FGF14: variants seen among roughly 807,000 people sequenced by gnomAD.
FGF14 encodes fibroblast growth factor 14.
FGF14 carries 5 observed loss-of-function variants against 25.5 expected under a neutral mutation model. The observed-to-expected ratio is 0.20, with a 90% CI of 0.10 to 0.41. The LOEUF is 0.41. Among genes scored for constraint, FGF14 ranks in the 10% least tolerant of loss-of-function variants. FGF14 has a pLI of 1.00. For missense variants in FGF14, 222 were observed against 320.1 expected (o/e 0.69, Z 2.34); for synonymous variants, 138 against 118.3 (o/e 1.17, Z -1.08).
At chr13:101,867,647 G>A (rs1280028127) in intron 3 of FGF14, among the ~76,000 whole-genome samples, 1 of 152,072 alleles carries the variant, frequency 6.6e-6, no homozygotes, top group Non-Finnish European at 1.5e-5. Flanking sequence ...GCTTGATCCT[G>A]CTGGCAACAT....
intron 1 of FGF14, among the ~76,000 whole-genome samples, chr13:101,951,964 A>G (rs2139395769): frequency 6.6e-6 from 1 of 152,240 alleles, no homozygotes; most frequent in Admixed American, 6.5e-5. Flanking sequence ...TGTTTACAGA[A>G]TTTTCCAATC....
intron 1 of FGF14, among the ~76,000 whole-genome samples, chr13:102,045,697 A>T (rs748251643): frequency 3.9e-5 from 6 of 152,144 alleles, no homozygotes; most frequent in Non-Finnish European, 5.9e-5. Flanking sequence ...CAGTTTAGAG[A>T]TGTGTAATTA....
At chr13:101,974,639 T>C (rs74108944) in intron 1 of FGF14, among the ~76,000 whole-genome samples, 2,939 of 152,194 alleles carry the variant, frequency 0.019, 87 homozygotes, top group African/African-American at 0.067. Context: ...ATGATCCCTC[T>C]TGAAGTAATG....
chr13:101,797,812 A>G (rs2040637734), intron 3 of FGF14, among the ~76,000 whole-genome samples: 1 of 151,360 alleles, frequency 6.6e-6, no homozygotes. Context: ...AGATGGTTAG[A>G]GTCAATAAGA....
intron 1 of FGF14, among the ~76,000 whole-genome samples, chr13:102,017,260 C>T (rs2040397369): frequency 6.6e-6 from 1 of 152,142 alleles, no homozygotes; most frequent in South Asian, 2.1e-4. Flanking sequence ...TCACCCTAGA[C>T]TGCTAAAGTA....
At chr13:102,158,428 C>A (rs2047452456) in intron 1 of FGF14, among the ~76,000 whole-genome samples, 1 of 151,334 alleles carries the variant, frequency 6.6e-6, no homozygotes, top group Admixed American at 6.6e-5. Context: ...GGACAAAAAA[C>A]CAAACACCAT....
At chr13:102,273,588 TG>T (rs1393409489) in intron 1 of FGF14, among the ~76,000 whole-genome samples, 1 of 152,224 alleles carries the variant, frequency 6.6e-6, no homozygotes, top group Non-Finnish European at 1.5e-5. Flanking sequence ...AGATTGTGTG[TG>T]TACTAATATA....
intron 1 of FGF14, among the ~76,000 whole-genome samples, chr13:101,899,610 G>C (rs192090220): frequency 6.6e-6 from 1 of 151,942 alleles, no homozygotes; most frequent in Admixed American, 6.6e-5. Flanking sequence ...AAAACATGTG[G>C]GACATTATGA....
At chr13:102,160,145 G>A (rs897796348) in intron 1 of FGF14, among the ~76,000 whole-genome samples, 5 of 152,098 alleles carry the variant, frequency 3.3e-5, no homozygotes, top group Non-Finnish European at 7.4e-5. Context: ...GGAAATAAGG[G>A]TACGTTTTTG....
At chr13:102,069,535 C>T (rs2043066030) in intron 1 of FGF14, among the ~76,000 whole-genome samples, 1 of 152,198 alleles carries the variant, frequency 6.6e-6, no homozygotes, top group Non-Finnish European at 1.5e-5. Context: ...AGCTGTAACG[C>T]TCACCAGGAA....
At chr13:102,119,755 G>T (rs1055315945) in intron 1 of FGF14, among the ~76,000 whole-genome samples, 2 of 152,158 alleles carry the variant, frequency 1.3e-5, no homozygotes, top group African/African-American at 4.8e-5. Flanking sequence ...ATAACAAACT[G>T]TTAACAATCA....
chr13:101,972,545 C>G (rs1342454939), intron 1 of FGF14, among the ~76,000 whole-genome samples: 1 of 152,166 alleles, frequency 6.6e-6, no homozygotes, highest in African/African-American at 2.4e-5. Flanking sequence ...TGCAAGTGGC[C>G]TAAGAGATCA....
intron 3 of FGF14, among the ~76,000 whole-genome samples, chr13:101,777,756 G>A (rs1253112492): frequency 6.6e-6 from 1 of 152,156 alleles, no homozygotes; most frequent in Non-Finnish European, 1.5e-5. Context: ...GAGGTCAGGA[G>A]TTTGAGACCA....
chr13:101,912,928 A>G (rs1476429503), intron 1 of FGF14, among the ~76,000 whole-genome samples: 1 of 152,152 alleles, frequency 6.6e-6, no homozygotes, highest in Non-Finnish European at 1.5e-5. Context: ...TTGAGAGCCT[A>G]TGAAGATGCA....
intron 1 of FGF14, among the ~76,000 whole-genome samples, chr13:102,167,867 A>T (rs1198469950): frequency 6.6e-6 from 1 of 151,916 alleles, no homozygotes; most frequent in Non-Finnish European, 1.5e-5. Flanking sequence ...TTCATAAGAG[A>T]AAAATATAAT....
chr13:101,950,314 T>C (rs925544053), intron 1 of FGF14, among the ~76,000 whole-genome samples: 2 of 152,212 alleles, frequency 1.3e-5, no homozygotes, highest in Non-Finnish European at 2.9e-5. Context: ...TCCTAATTGA[T>C]ACGCTTAGGT....
At chr13:102,033,915 G>T (rs912434937) in intron 1 of FGF14, among the ~76,000 whole-genome samples, 2 of 152,020 alleles carry the variant, frequency 1.3e-5, no homozygotes, top group South Asian at 2.1e-4. Flanking sequence ...ATATTGCATG[G>T]TGTCAGAACG....
chr13:102,161,591 A>AGAAAGAAGAAG (rs2047669930), intron 1 of FGF14, among the ~76,000 whole-genome samples: 1 of 3,920 alleles, frequency 2.6e-4, no homozygotes. Context: ...AAGAAGAAGA[A>AGAAAGAAGAAG]GAAGAAGAAG....
intron 1 of FGF14, among the ~76,000 whole-genome samples, chr13:102,236,515 T>G (rs2051333944): frequency 6.6e-6 from 1 of 152,132 alleles, no homozygotes; most frequent in Non-Finnish European, 1.5e-5. Flanking sequence ...AAACGACTGG[T>G]GGCACAAATA....
Sources: allele counts gnomAD v4.1 joint callset (sites outside exome capture counted in the v4.1 genomes callset), GRCh38; gene constraint gnomAD v4.1.1; transcripts MANE v1.5; gene names NCBI Gene and HGNC (gene_info 2026-07-23, HGNC 2026-07-21).